The following PTPRH variants were observed in gnomAD, a reference collection of about 807,000 sequenced individuals.
The protein encoded by PTPRH is protein tyrosine phosphatase receptor type H, also known as receptor-type tyrosine-protein phosphatase H.
PTPRH carries 113 observed loss-of-function variants against 130.2 expected under a neutral mutation model. The observed-to-expected ratio is 0.87, with a 90% CI of 0.75 to 1.01. The LOEUF (loss-of-function observed/expected upper bound fraction) is 1.01. Ranked by LOEUF, PTPRH falls within the 50% of genes least tolerant of loss-of-function variation. PTPRH has a pLI of 0.00. For missense variants in PTPRH, 1,430 were observed against 1,425.0 expected, an observed-to-expected ratio of 1.00 and a Z score of -0.06; for synonymous variants, 556 against 577.9, an observed-to-expected ratio of 0.96 and a Z score of 0.54.
At position 55,202,230 on chromosome 19, in the gene PTPRH, T is replaced by C. The variant is rs759541888; in HGVS notation, c.979A>G (p.Asn327Asp). ...GTGTACTCAACCCCGTAGGTGGAGT[T>C]CTGTGGGTCTGGGCCATCGGGGACC... is the stretch of plus-strand genomic sequence containing the variant. ...WEVPDGPDPQ[N>D]STYGVEYTGD... Residue 327 changes from asparagine to aspartate, a missense_variant, in exon 6 of 20, where the codon AAC (asparagine) becomes GAC (aspartate). Asn to Asp is a conservative substitution (Grantham distance 23, BLOSUM62 1). Coordinates refer to ENST00000376350, the MANE Select transcript of PTPRH (RefSeq NM_002842.5). The C allele has an allele frequency of 3.7e-6, 6 of 1,614,240 alleles. No individual in the cohort carries two copies. The South Asian group carries it at 5.5e-5, about 15-fold the overall frequency.
chr19:55,183,272 C>G (rs184076355), intron 18 of PTPRH, among the ~76,000 whole-genome samples: 5 of 149,566 alleles, frequency 3.3e-5, no homozygotes, highest in African/African-American at 1.2e-4. Context: ...GGTGTGGTGG[C>G]GGGCGCCTGT....
intron 10 of PTPRH, among the ~76,000 whole-genome samples, chr19:55,195,446 G>A (rs961351910): frequency 2.0e-5 from 3 of 152,260 alleles, no homozygotes; most frequent in African/African-American, 7.2e-5. Context: ...AGGTTGCAGT[G>A]AGCAGAGATC....
At chr19:55,194,253 T>C in intron 10 of PTPRH, 11 of 1,289,770 alleles carry the variant, frequency 8.5e-6, no homozygotes, top group Non-Finnish European at 1.1e-5. Context: ...CTATGGCCCA[T>C]CTTCATCAGC....
chr19:55,191,601 G>A (rs572363111), intron 11 of PTPRH, 53 bp from the exon 12 acceptor site: 19 of 1,611,838 alleles, frequency 1.2e-5, no homozygotes, highest in Admixed American at 8.3e-5. Context: ...TGCAACCAGC[G>A]GTCCTCCTCC....
rs895191079 is a variant in PTPRH at position 55,200,951 on chromosome 19, C to CA, written c.1154-450dup. 2.6e-4 allele frequency among the ~76,000 whole-genome samples: 38 copies of CA among 148,212 alleles called. 1 individual carries two copies. Among genetic ancestry groups the CA allele is most frequent in the South Asian group, 1.3e-3 (6 of 4,700 alleles). On this transcript the variant is annotated intron_variant, in intron 6 of 19. Transcript: ENST00000376350. ...CAGCGAGACTCCGTCTCAAAACAAA[C>CA]AAAAAAAACAAACAAAAAAAACAAA...
chr19:55,203,914 T>C lies in PTPRH; in HGVS notation c.754A>G (p.Thr252Ala), dbSNP rs1273097929. Reference protein sequence around the residue: ...CVQCTGDGGRTETRNTTDTRV... With the variant: ...CVQCTGDGGRAETRNTTDTRV... ...GTGTCTGTTGTGTTTCGAGTCTCTGTTCTGCCACCATCTCCAGTGCACTGA... is the reference window on the plus strand; with the variant it reads ...GTGTCTGTTGTGTTTCGAGTCTCTGCTCTGCCACCATCTCCAGTGCACTGA... The change falls in exon 5 of 20, where the codon ACA becomes GCA. Residue 252 changes from threonine (T) to alanine (A), a missense_variant. Physicochemically the swap from Thr to Ala is moderately conservative, Grantham distance 58. Transcript: ENST00000376350. The C allele has an allele frequency of 1.2e-6, 2 of 1,614,158 alleles. No individual in the cohort carries two copies. Among genetic ancestry groups the C allele is most frequent in the Admixed American group, 3.3e-5 (2 of 60,000 alleles).
At chr19:55,184,209 A>C (rs2086255656) in intron 18 of PTPRH, among the ~76,000 whole-genome samples, 2 of 151,546 alleles carry the variant, frequency 1.3e-5, no homozygotes, top group South Asian at 4.2e-4. Flanking sequence ...GCTTGAACCC[A>C]GGAGGCAGAG....
intron 12 of PTPRH, among the ~76,000 whole-genome samples, chr19:55,188,984 T>C (rs2086447276): frequency 6.6e-6 from 1 of 152,194 alleles, no homozygotes; most frequent in Admixed American, 6.6e-5. Context: ...TCACTTTCTT[T>C]CTTTTTCTTT....
rs761858497 is a variant in PTPRH, at chr19:55,209,450, G to A, written c.-17C>T. On this transcript the variant is annotated 5_prime_UTR_variant, in exon 1 of 20. Coordinates refer to ENST00000376350, the MANE Select transcript of PTPRH (RefSeq NM_002842.5). The surrounding 1 kb of genome is among the most constrained non-coding windows in gnomAD (Gnocchi z 4.1). ...CCCAGCCATGCCTCCAGACACTGCCGGGGACCCAGGAGTCCCAGGCCTAGT... is the reference window on the plus strand; with the variant it reads ...CCCAGCCATGCCTCCAGACACTGCCAGGGACCCAGGAGTCCCAGGCCTAGT... 4.8e-5 allele frequency: 73 copies of A among 1,534,134 alleles called. No individual in the cohort carries two copies. The highest frequency in any genetic ancestry group is 2.7e-4 in the South Asian group (23 of 83,850).
chr19:55,199,821 AAGAG>A (rs563382307), intron 7 of PTPRH, among the ~76,000 whole-genome samples: 32 of 151,148 alleles, frequency 2.1e-4, no homozygotes, highest in Admixed American at 5.3e-4. Context: ...AAGAAAGAGA[AAGAG>A]AGAAAGGAAG....
At position 55,202,298 on chromosome 19, in the gene PTPRH, G is replaced by C. The variant is rs144628967; in HGVS notation, c.911C>G (p.Thr304Arg). 436 of 1,614,136 alleles carry C rather than the reference G, an allele frequency of 2.7e-4. No individual in the cohort carries two copies. Among genetic ancestry groups the C allele is most frequent in the African/African-American group, 2.3e-3 (176 of 75,052 alleles). The stretch of plus-strand genomic sequence containing the variant: ...GGAGCTGTTGGTCTGAGCCTCCACT[G>C]TCAGGTTTCTCACTGGGTTGGGAGC... ...ATAPNPVRNL[T>R]VEAQTNSSIA... Residue 304 changes from threonine to arginine, a missense_variant, in exon 6 of 20, where the codon ACA (threonine) becomes AGA (arginine). Physicochemically the swap from Thr to Arg is moderately conservative, Grantham distance 71. Coordinates refer to ENST00000376350, the MANE Select transcript of PTPRH (RefSeq NM_002842.5).
At position 55,181,765 on chromosome 19, in the gene PTPRH, AC is replaced by A; in HGVS notation, c.3336del (p.Lys1112AsnfsTer6). The A allele has an allele frequency of 6.2e-7, 1 of 1,613,928 alleles. No homozygotes were observed. The highest frequency in any genetic ancestry group is 1.3e-5 in the African/African-American group (1 of 74,978). On this transcript the variant is annotated frameshift_variant, in exon 20 of 20. Transcript: ENST00000376350. LOFTEE classifies it high-confidence loss of function. ...YENVAAIQAH[K>X]LEV is the part of the protein sequence containing the mutation. ...AGCCCCCTCGTCACTTAGACCTCCA[AC>A]TTGTGGGCCTGGATGGCGGCCACGT...
chr19:55,197,494 G>A (rs2086725188), intron 8 of PTPRH, 78 bp from the exon 9 acceptor site: 5 of 1,343,248 alleles, frequency 3.7e-6, no homozygotes, highest in Non-Finnish European at 5.2e-6. Context: ...CTCCCCCACA[G>A]CAAAGCTGAG....
In PTPRH at chr19:55,182,048, T is replaced by A. The variant is rs767281573; in HGVS notation, c.3166A>T (p.Arg1056Ter). The A allele has an allele frequency of 2.0e-5, 32 of 1,613,972 alleles. No individual in the cohort carries two copies. The Admixed American group carries it at 5.3e-4, about 27-fold the overall frequency. Residue 1056 changes from arginine to a stop codon, truncating the protein, a stop_gained, in exon 19 of 20, where the codon AGA becomes TGA. Coordinates refer to ENST00000376350, the MANE Select transcript of PTPRH (RefSeq NM_002842.5). LOFTEE classifies it low-confidence loss of function (END_TRUNC). ...TGCACCATCAACGGCCGACTCTCTC[T>A]CATCTTCCTTACAAAGCTGAAGGGC... is the stretch of plus-strand genomic sequence containing the variant. ...LGPFSFVRKM[R>*]ESRPLMVQTE...
At chr19:55,202,898 G>C (rs180809271) in intron 5 of PTPRH, among the ~76,000 whole-genome samples, 2 of 152,034 alleles carry the variant, frequency 1.3e-5, no homozygotes, top group African/African-American at 4.8e-5. Flanking sequence ...AGTTAGCCAG[G>C]TATGGTGGCA....
intron 1 of PTPRH, 65 bp from the exon 2 acceptor site, chr19:55,207,264 G>C: frequency 6.4e-7 from 1 of 1,558,618 alleles, no homozygotes; most frequent in South Asian, 1.2e-5. Context: ...TGAGGCCGAG[G>C]GGCTGGGAGG....
At chr19:55,204,183 G>A (rs547848837) in intron 4 of PTPRH, 135 bp from the exon 5 acceptor site, 18 of 1,004,264 alleles carry the variant, frequency 1.8e-5, no homozygotes, top group East Asian at 2.6e-5. Context: ...GCAGTGGCAC[G>A]ATCTCGGCTC....
In PTPRH at chr19:55,200,380, C is replaced by A; in HGVS notation, c.1276G>T (p.Asp426Tyr). 6.2e-7 allele frequency: 1 copy of A among 1,614,192 alleles called. No homozygotes were observed. Among genetic ancestry groups the A allele is most frequent in the Non-Finnish European group, 8.5e-7 (1 of 1,180,052 alleles). The change falls in exon 7 of 20, where the codon GAC becomes TAC. Residue 426 changes from aspartate to tyrosine, a missense_variant. Transcript: ENST00000376350. ...TTTCGGGTCTCTGTGCCACCACCGTCTCCAGTGTACTCTACCCAGTAGGTG... is the reference window on the plus strand; with the variant it reads ...TTTCGGGTCTCTGTGCCACCACCGTATCCAGTGTACTCTACCCAGTAGGTG... ...DYTYWVEYTG[D>Y]GGGTETRNTT...
At chr19:55,199,796 A>AGAAAGAAAGAAG (rs1182176244) in intron 7 of PTPRH, among the ~76,000 whole-genome samples, 5 of 150,214 alleles carry the variant, frequency 3.3e-5, no homozygotes, top group African/African-American at 1.2e-4. Flanking sequence ...ACAGAAAAAA[A>AGAAAGAAAGAAG]GAAAGAAAGA....
Sources: allele counts gnomAD v4.1 joint callset (sites outside exome capture counted in the v4.1 genomes callset), GRCh38; gene constraint gnomAD v4.1.1; non-coding constraint Gnocchi (gnomAD v3.1); transcripts MANE v1.5; gene names NCBI Gene and HGNC (gene_info 2026-07-23, HGNC 2026-07-21).